Variants in NID1 observed in about 807,000 individuals in gnomAD.
The protein encoded by NID1 is nidogen-1.
Under a neutral mutation model 130.6 loss-of-function variants are expected in NID1, and 76 were observed. The ratio of observed to expected loss-of-function variants is 0.58; its 90% CI spans 0.48 to 0.70. The LOEUF (loss-of-function observed/expected upper bound fraction) is 0.70, where lower values mean the gene tolerates loss of function less well. NID1 is among the 30% of genes least tolerant of loss of function. The pLI is 0.00. For synonymous variants in NID1, 665 were observed against 675.1 expected (o/e 0.98, Z 0.23); for missense variants, 1,517 against 1,664.8 (o/e 0.91, Z 1.54).
At chr1:236,009,179 A>G (rs1284004094) in intron 12 of NID1, among the ~76,000 whole-genome samples, 1 of 152,176 alleles carries the variant, frequency 6.6e-6, no homozygotes, top group Non-Finnish European at 1.5e-5. Flanking sequence ...CTAGGTCATG[A>G]AAGGGGGGCC....
chr1:236,020,503 C>T (rs994575530), intron 9 of NID1, among the ~76,000 whole-genome samples: 17 of 152,170 alleles, frequency 1.1e-4, no homozygotes, highest in African/African-American at 4.1e-4. Context: ...CGGGAGCCAT[C>T]CTGCCATGGA....
At chr1:236,004,032 C>CA (rs36021098) in intron 12 of NID1, among the ~76,000 whole-genome samples, 77,491 of 116,150 alleles carry the variant, frequency 0.67, 25,162 homozygotes, top group Non-Finnish European at 0.75. Flanking sequence ...GACTCTGTCT[C>CA]AAAAAAAAAA....
chr1:236,048,802 A>G lies in NID1; in HGVS notation c.413T>C (p.Val138Ala), dbSNP rs1659684095. The G allele has an allele frequency of 6.2e-7, 1 of 1,613,968 alleles. No individual in the cohort carries two copies. The highest frequency in any genetic ancestry group is 1.1e-5 in the South Asian group (1 of 91,084). The change falls in exon 2 of 20, where the codon GTC (valine) becomes GCC (alanine). Residue 138 changes from valine to alanine, a missense_variant. This residue lies in a region of NID1 where 1,329 missense variants were observed against 1,429.2 expected (regional missense o/e 0.93). Coordinates refer to ENST00000264187, the MANE Select transcript of NID1 (RefSeq NM_002508.3). ...PSITQRAAEC[V>A]HRGFPEISFQ... ...AGAGATCTCCGGGAACCCTCTGTGG[A>G]CACACTCTGCTGCTCGCTGAGTGAT...
chr1:236,038,868 A>ATG (rs1558443451), intron 4 of NID1, among the ~76,000 whole-genome samples: 10 of 113,118 alleles, frequency 8.8e-5, no homozygotes, highest in African/African-American at 3.9e-4. Flanking sequence ...TAGGTCATAT[A>ATG]TAATATATAT....
intron 14 of NID1, among the ~76,000 whole-genome samples, chr1:235,989,321 G>T (rs1243743781): frequency 6.6e-6 from 1 of 151,958 alleles, no homozygotes; most frequent in Non-Finnish European, 1.5e-5. Flanking sequence ...CTCTCCCCTT[G>T]GTCTTGGGAA....
At chr1:235,984,490 T>C (rs1657520467) in intron 15 of NID1, among the ~76,000 whole-genome samples, 3 of 152,064 alleles carry the variant, frequency 2.0e-5, no homozygotes, top group South Asian at 4.1e-4. Flanking sequence ...CCATTGAAAA[T>C]AGAAAAAACT....
At chr1:236,007,703 C>A (rs541615099) in intron 12 of NID1, among the ~76,000 whole-genome samples, 1 of 152,114 alleles carries the variant, frequency 6.6e-6, no homozygotes, top group Non-Finnish European at 1.5e-5. Context: ...GACAACCATG[C>A]GGGTCCTTCA....
intron 5 of NID1, among the ~76,000 whole-genome samples, chr1:236,035,996 C>A (rs1453375873): frequency 2.0e-5 from 3 of 152,126 alleles, no homozygotes; most frequent in Non-Finnish European, 2.9e-5. Flanking sequence ...CAAATCTATT[C>A]CAGGGTGTGT....
chr1:235,987,099 ATTG>A (rs1657595217), intron 14 of NID1, among the ~76,000 whole-genome samples: 1 of 152,236 alleles, frequency 6.6e-6, no homozygotes, highest in African/African-American at 2.4e-5. Flanking sequence ...CTACTGGGCT[ATTG>A]TTTGGTTTGA....
chr1:236,005,338 G>A (rs1658218256), intron 12 of NID1, among the ~76,000 whole-genome samples: 1 of 151,728 alleles, frequency 6.6e-6, no homozygotes, highest in South Asian at 2.1e-4. Context: ...CATATTTACT[G>A]GCAGTCTAAA....
chr1:236,023,470 G>A (rs1006563191), intron 9 of NID1, among the ~76,000 whole-genome samples: 2 of 152,186 alleles, frequency 1.3e-5, no homozygotes, highest in Non-Finnish European at 2.9e-5. Context: ...GGGGAAATGT[G>A]AGTTGTTGTT....
In NID1 at chr1:236,041,903, G is replaced by A. The variant is rs1659463351; in HGVS notation, c.1135+7C>T. 3.8e-6 allele frequency: 6 copies of A among 1,599,536 alleles called. No individual in the cohort carries two copies. The highest frequency in any genetic ancestry group is 5.1e-6 in the Non-Finnish European group (6 of 1,171,260). On this transcript the variant is annotated splice_region_variant and intron_variant, in intron 4 of 19. Coordinates refer to ENST00000264187, the MANE Select transcript of NID1 (RefSeq NM_002508.3). Reference sequence around the variant, plus strand: ...ATCGTTACCAACTGCAACTTAAATGGTCTTACCAACTCCTGTTTCCTCAAC... The same window carrying A: ...ATCGTTACCAACTGCAACTTAAATGATCTTACCAACTCCTGTTTCCTCAAC...
intron 4 of NID1, among the ~76,000 whole-genome samples, chr1:236,039,229 A>T (rs576552863): frequency 1.4e-5 from 2 of 147,812 alleles, no homozygotes; most frequent in South Asian, 4.2e-4. Flanking sequence ...TAATTATATG[A>T]TATAATTTTT....
intron 8 of NID1, 32 bp from the exon 9 acceptor site, chr1:236,024,245 G>A: frequency 6.2e-7 from 1 of 1,610,666 alleles, no homozygotes; most frequent in Non-Finnish European, 8.5e-7. Flanking sequence ...AACCAAGTGA[G>A]TCTTCAGGAG....
intron 12 of NID1, among the ~76,000 whole-genome samples, chr1:236,007,482 G>A (rs886212969): frequency 2.6e-5 from 4 of 152,114 alleles, no homozygotes; most frequent in African/African-American, 7.2e-5. Context: ...ACTGCAAGAG[G>A]GATGGCCCGA....
chr1:235,978,918 C>A, intron 19 of NID1, 77 bp downstream of exon 19: 1 of 961,922 alleles, frequency 1.0e-6, no homozygotes, highest in South Asian at 1.3e-5. Context: ...AGTGGCCATA[C>A]GGGTAGCAGC....
intron 4 of NID1, 144 bp downstream of exon 4, chr1:236,041,766 G>C (rs1659458520): frequency 2.9e-6 from 3 of 1,020,090 alleles, no homozygotes; most frequent in Non-Finnish European, 4.2e-6. Context: ...CTCCACGGCT[G>C]TGAGAGTTCA....
intron 5 of NID1, among the ~76,000 whole-genome samples, chr1:236,035,614 T>G (rs989345307): frequency 1.3e-5 from 2 of 151,604 alleles, no homozygotes; most frequent in African/African-American, 4.9e-5. Context: ...CCACCAACAG[T>G]GTAAAAGTGT....
chr1:236,006,077 T>C (rs910220872), intron 12 of NID1, among the ~76,000 whole-genome samples: 1 of 152,150 alleles, frequency 6.6e-6, no homozygotes, highest in African/African-American at 2.4e-5. Flanking sequence ...GTCCTCTGCT[T>C]CTCCACCCAT....
Sources: allele counts gnomAD v4.1 joint callset (sites outside exome capture counted in the v4.1 genomes callset), GRCh38; gene constraint gnomAD v4.1.1; regional missense constraint gnomAD v4.1.1; transcripts MANE v1.5; gene names NCBI Gene and HGNC (gene_info 2026-07-23, HGNC 2026-07-21).